Variants in KAZN observed in about 807,000 individuals in gnomAD.
KAZN encodes kazrin.
In KAZN, 40 loss-of-function variants were observed where a neutral mutation model predicts 87.4. The ratio of observed to expected loss-of-function variants is 0.46; its 90% CI spans 0.36 to 0.60. The LOEUF (loss-of-function observed/expected upper bound fraction) is 0.60, where lower values mean the gene tolerates loss of function less well. Among genes scored for constraint, KAZN ranks in the 20% least tolerant of loss-of-function variants. The probability of loss-of-function intolerance (pLI) is 0.00; values close to 1 mark genes in which losing one functional copy is unlikely to be tolerated. For synonymous variants in KAZN, 466 were observed against 458.3 expected, an observed-to-expected ratio of 1.02 and a Z score of -0.22; for missense variants, 898 against 1,073.9, an observed-to-expected ratio of 0.84 and a Z score of 2.29.
intron 1 of KAZN, among the ~76,000 whole-genome samples, chr1:14,858,229 T>A (rs1167062949): frequency 3.3e-4 from 49 of 146,608 alleles, no homozygotes; most frequent in South Asian, 1.5e-3. Context: ...TTTTTTTTTT[T>A]TGAGACAAAG....
intron 2 of KAZN, among the ~76,000 whole-genome samples, chr1:14,376,575 G>C (rs1277013846): frequency 6.6e-6 from 1 of 152,096 alleles, no homozygotes; most frequent in African/African-American, 2.4e-5. Flanking sequence ...AGAACCATGA[G>C]CCAAATAAAT....
chr1:14,643,322 A>G (rs540501103), intron 1 of KAZN, among the ~76,000 whole-genome samples: 4 of 151,376 alleles, frequency 2.6e-5, no homozygotes, highest in African/African-American at 9.7e-5. Flanking sequence ...CCCTCCTCCC[A>G]CCCTCCACCT....
intron 2 of KAZN, among the ~76,000 whole-genome samples, chr1:14,328,833 C>T (rs1189588140): frequency 6.7e-6 from 1 of 148,758 alleles, no homozygotes; most frequent in African/African-American, 2.5e-5. Flanking sequence ...CAAGATATTC[C>T]TGTATGACTG....
Position 14,598,901 on chromosome 1 carries a change from G to T in KAZN, c.-97G>T. Reference sequence around the variant, plus strand: ...GCGCGGGCGAAGCCGGGCCGCGGAGGACACAACAGGTAGAGCCGGGGGTGC... The same window carrying T: ...GCGCGGGCGAAGCCGGGCCGCGGAGTACACAACAGGTAGAGCCGGGGGTGC... On this transcript the variant is annotated 5_prime_UTR_variant, in exon 1 of 15. Coordinates refer to ENST00000376030, the MANE Select transcript of KAZN (RefSeq NM_201628.3). This position sits in a 1 kb window ranked among gnomAD's most constrained non-coding sequence, Gnocchi z 4.2. 1 of 1,525,728 alleles carries T rather than the reference G, an allele frequency of 6.6e-7. No individual in the cohort carries two copies. The highest frequency in any genetic ancestry group is 8.7e-7 in the Non-Finnish European group (1 of 1,144,766). The allele number at this position is 1,525,728 out of a possible 1,614,324, so 94.5% of individuals were successfully genotyped here.
chr1:15,082,454 C>T (rs1640047296), intron 8 of KAZN, among the ~76,000 whole-genome samples: 1 of 152,158 alleles, frequency 6.6e-6, no homozygotes, highest in Non-Finnish European at 1.5e-5. Flanking sequence ...GGTCACTCAG[C>T]CACAGGCTGG....
chr1:14,658,267 T>A (rs984536756), intron 1 of KAZN, among the ~76,000 whole-genome samples: 1 of 152,170 alleles, frequency 6.6e-6, no homozygotes, highest in African/African-American at 2.4e-5. Flanking sequence ...CAGTGCCTAG[T>A]GAAGATCATA....
intron 2 of KAZN, among the ~76,000 whole-genome samples, chr1:14,478,334 G>A (rs1397607682): frequency 6.6e-6 from 1 of 151,762 alleles, no homozygotes; most frequent in Non-Finnish European, 1.5e-5. Flanking sequence ...AGGAAGGAAG[G>A]AAGAAAGGAT....
At chr1:15,086,910 A>G (rs1252248534) in intron 8 of KAZN, among the ~76,000 whole-genome samples, 1 of 152,250 alleles carries the variant, frequency 6.6e-6, no homozygotes, top group African/African-American at 2.4e-5. Flanking sequence ...TGGGTTATGA[A>G]GCAGACCACT....
chr1:14,634,734 G>T (rs1249827126), intron 1 of KAZN, among the ~76,000 whole-genome samples: 1 of 152,182 alleles, frequency 6.6e-6, no homozygotes, highest in Non-Finnish European at 1.5e-5. Context: ...GGGTCAAAAG[G>T]TGCTGACCAG....
chr1:14,307,489 T>C (rs1042375987), intron 2 of KAZN, among the ~76,000 whole-genome samples: 46 of 152,338 alleles, frequency 3.0e-4, no homozygotes, highest in Admixed American at 2.4e-3. Context: ...TGGAAGGAGA[T>C]ACTATCATTG....
At chr1:14,512,281 C>T (rs1477245363) in intron 2 of KAZN, among the ~76,000 whole-genome samples, 1 of 152,110 alleles carries the variant, frequency 6.6e-6, no homozygotes. Context: ...GGCAAAGTTT[C>T]TCCACCTTAG....
intron 1 of KAZN, among the ~76,000 whole-genome samples, chr1:14,908,504 T>A (rs989876563): frequency 7.9e-5 from 12 of 152,086 alleles, no homozygotes; most frequent in Non-Finnish European, 1.8e-4. Context: ...ATCACGCCAC[T>A]GCACTCCAGT....
chr1:13,897,231 A>T (rs1274455721), intron 1 of KAZN, among the ~76,000 whole-genome samples: 3 of 152,138 alleles, frequency 2.0e-5, no homozygotes, highest in Admixed American at 6.5e-5. Flanking sequence ...AACCATGCGA[A>T]CCATAAAGCC....
At chr1:14,295,492 T>C (rs1654040893) in intron 2 of KAZN, among the ~76,000 whole-genome samples, 1 of 151,526 alleles carries the variant, frequency 6.6e-6, no homozygotes, top group African/African-American at 2.4e-5. Context: ...ATGCAGAAAG[T>C]GGGAGACTCA....
At chr1:14,437,046 A>G (rs542450207) in intron 2 of KAZN, among the ~76,000 whole-genome samples, 1 of 152,338 alleles carries the variant, frequency 6.6e-6, no homozygotes, top group Admixed American at 6.5e-5. Context: ...CTCCAGAGGA[A>G]ATAGATAAAA....
intron 1 of KAZN, among the ~76,000 whole-genome samples, chr1:14,854,412 A>C (rs183118968): frequency 1.4e-4 from 21 of 152,304 alleles, no homozygotes; most frequent in African/African-American, 5.1e-4. Flanking sequence ...TTTATACAGA[A>C]AAGAGGTTTA....
In KAZN at chr1:14,900,646, C is replaced by T. The variant is rs549833493; in HGVS notation, c.227-60038C>T. Among the ~76,000 whole-genome samples, 10 of 150,576 alleles carry T rather than the reference C, an allele frequency of 6.6e-5. No individual in the cohort carries two copies. In the East Asian group the frequency reaches 1.2e-3, roughly 18 times the overall value. ...GCAGGCACCTGTAGTCCCAACTACT[C>T]GGGAGGCTGAGGCAGGAGAATGGCA... is the stretch of plus-strand genomic sequence containing the variant. On this transcript the variant is annotated intron_variant, in intron 1 of 14. Coordinates refer to ENST00000376030, the MANE Select transcript of KAZN (RefSeq NM_201628.3).
At chr1:14,103,714 T>C (rs1644308608) in intron 1 of KAZN, among the ~76,000 whole-genome samples, 3 of 152,220 alleles carry the variant, frequency 2.0e-5, no homozygotes, top group Non-Finnish European at 4.4e-5. Context: ...CTTGTGATTT[T>C]ATTGGGCTCA....
At chr1:13,943,802 C>G (rs893816405) in intron 1 of KAZN, among the ~76,000 whole-genome samples, 1 of 152,086 alleles carries the variant, frequency 6.6e-6, no homozygotes, top group African/African-American at 2.4e-5. Context: ...CAGCATTAGT[C>G]CTTAGGGAAA....
Sources: gnomAD v4.1 joint callset for allele counts (sites outside exome capture counted in the v4.1 genomes callset) on GRCh38, gnomAD v4.1.1 for gene constraint, Gnocchi (gnomAD v3.1) non-coding constraint, MANE v1.5 for transcripts, NCBI Gene and HGNC (gene_info 2026-07-23, HGNC 2026-07-21) for gene names.